FLRT3: variants seen among roughly 807,000 people sequenced by gnomAD.
FLRT3 encodes fibronectin leucine rich transmembrane protein 3, also known as leucine-rich repeat transmembrane protein FLRT3.
In FLRT3, 17 loss-of-function variants were observed where a neutral mutation model predicts 42.6. The ratio of observed to expected loss-of-function variants is 0.40; its 90% CI spans 0.27 to 0.60. FLRT3 has a LOEUF of 0.60. FLRT3 is among the 20% of genes least tolerant of loss of function. FLRT3 has a pLI of 0.44. For missense variants in FLRT3, 635 were observed against 789.2 expected (o/e 0.80, Z 2.34); for synonymous variants, 279 against 286.4 (o/e 0.97, Z 0.26).
intron 1 of FLRT3, among the ~76,000 whole-genome samples, chr20:14,336,967 C>T (rs534599639): frequency 6.6e-6 from 1 of 152,290 alleles, no homozygotes; most frequent in African/African-American, 2.4e-5. Flanking sequence ...TCATGTACTG[C>T]GTACTCATGG....
intron 1 of FLRT3, among the ~76,000 whole-genome samples, chr20:14,331,660 C>T (rs978289190): frequency 5.3e-5 from 8 of 152,128 alleles, no homozygotes; most frequent in African/African-American, 1.9e-4. Flanking sequence ...CGTTTTATAT[C>T]TTCTCTTTCC....
intron 1 of FLRT3, among the ~76,000 whole-genome samples, chr20:14,334,768 A>C (rs1487563079): frequency 6.6e-6 from 1 of 150,788 alleles, no homozygotes; most frequent in Non-Finnish European, 1.5e-5. Context: ...GGTAGTCTTC[A>C]TTTGATTTAA....
chr20:14,326,608 A>G lies in FLRT3; in HGVS notation c.899T>C (p.Leu300Pro). 1 of 1,613,856 alleles carries G rather than the reference A, an allele frequency of 6.2e-7. No homozygotes were observed. Among genetic ancestry groups the G allele is most frequent in the Non-Finnish European group, 8.5e-7 (1 of 1,179,846 alleles). ...ATACCAGGGATTGTTGCGAAGAATC[A>G]GTTGTGTTATATTGTCCAAATCATC... is the stretch of plus-strand genomic sequence containing the variant. ...IFDDLDNITQ[L>P]ILRNNPWYCG... The change falls in exon 3 of 3, where the codon CTG (leucine) becomes CCG (proline). Residue 300 changes from leucine (L) to proline (P), a missense_variant. Coordinates refer to ENST00000341420, the MANE Select transcript of FLRT3 (RefSeq NM_198391.3). The surrounding 1 kb of genome is among the most constrained non-coding windows in gnomAD (Gnocchi z 5.5).
chr20:14,336,603 T>G (rs1415429620), intron 1 of FLRT3, among the ~76,000 whole-genome samples: 6 of 152,212 alleles, frequency 3.9e-5, no homozygotes, highest in Non-Finnish European at 7.3e-5. Context: ...CTCTACTCAT[T>G]TATTTTTCTT....
At chr20:14,329,042 G>C (rs1455199736) in intron 2 of FLRT3, 92 bp downstream of exon 2, 1 of 151,994 alleles carries the variant, frequency 6.6e-6, no homozygotes, top group Non-Finnish European at 1.5e-5. Flanking sequence ...ATAGTAATAG[G>C]TTTTTCAGGC....
At chr20:14,333,718 G>A (rs1449426633) in intron 1 of FLRT3, among the ~76,000 whole-genome samples, 5 of 152,048 alleles carry the variant, frequency 3.3e-5, no homozygotes, top group Admixed American at 3.3e-4. Flanking sequence ...ATTTATTTTA[G>A]TCTACTGTGT....
intron 1 of FLRT3, among the ~76,000 whole-genome samples, 157 bp from the exon 2 acceptor site, chr20:14,329,484 T>C (rs1362089599): frequency 1.3e-5 from 2 of 152,106 alleles, no homozygotes; most frequent in African/African-American, 2.4e-5. Context: ...TTTAGACTTC[T>C]CATTTTCTTA....
intron 1 of FLRT3, among the ~76,000 whole-genome samples, chr20:14,331,444 A>T (rs1374273280): frequency 1.3e-5 from 2 of 152,152 alleles, no homozygotes; most frequent in Non-Finnish European, 2.9e-5. Flanking sequence ...AGTGGTAATA[A>T]TGTGGGATTA....
At chr20:14,328,520 T>A (rs887849706) in intron 2 of FLRT3, among the ~76,000 whole-genome samples, 1 of 152,156 alleles carries the variant, frequency 6.6e-6, no homozygotes, top group Non-Finnish European at 1.5e-5. Flanking sequence ...TCTGTCCTTT[T>A]AAGTATTAAT....
In FLRT3 at chr20:14,327,397, C is replaced by T. The variant is rs2082754317; in HGVS notation, c.110G>A (p.Cys37Tyr). 1 of 1,613,512 alleles carries T rather than the reference C, an allele frequency of 6.2e-7. No individual in the cohort carries two copies. ...ATTACAGTAAATGAAACCCGCATCG[C>T]AGCGACACACAGATGGACAGGATTT... is the stretch of plus-strand genomic sequence containing the variant. ...MAKSCPSVCR[C>Y]DAGFIYCNDR... Residue 37 changes from cysteine to tyrosine, a missense_variant, in exon 3 of 3, where the codon TGC (cysteine) becomes TAC (tyrosine). Transcript: ENST00000341420.
intron 2 of FLRT3, among the ~76,000 whole-genome samples, chr20:14,328,255 C>T (rs1176325801): frequency 6.6e-6 from 1 of 152,072 alleles, no homozygotes; most frequent in Non-Finnish European, 1.5e-5. Flanking sequence ...AATTACAAAG[C>T]TAATACATCC....
rs1209873649 is a variant in FLRT3, at chr20:14,325,489, G to A, written c.*68C>T. ...TTTCCAGTGTTTTGCAGTAGAACAG[G>A]GTTCCTACCATCACCTCCCTTAGGT... On this transcript the variant is annotated 3_prime_UTR_variant, in exon 3 of 3. Transcript: ENST00000341420. 7 of 1,486,006 alleles carry A rather than the reference G, an allele frequency of 4.7e-6. No homozygotes were observed. The African/African-American group carries it at 9.8e-5, about 21-fold the overall frequency. 92.1% of individuals were successfully genotyped at this position (1,486,006 alleles called of 1,614,324 possible).
chr20:14,332,465 A>T (rs2122617262), intron 1 of FLRT3, among the ~76,000 whole-genome samples: 1 of 152,250 alleles, frequency 6.6e-6, no homozygotes, highest in African/African-American at 2.4e-5. Flanking sequence ...TTTTGAGAAT[A>T]TTACTTAGAT....
chr20:14,330,711 G>A (rs531889597), intron 1 of FLRT3, among the ~76,000 whole-genome samples: 3 of 152,170 alleles, frequency 2.0e-5, no homozygotes, highest in African/African-American at 7.2e-5. Flanking sequence ...ATTGCAAAGT[G>A]CCCACAGAGG....
At chr20:14,334,519 G>C (rs746230416) in intron 1 of FLRT3, among the ~76,000 whole-genome samples, 12 of 152,164 alleles carry the variant, frequency 7.9e-5, no homozygotes, top group East Asian at 1.9e-4. Flanking sequence ...TTGCCCACTG[G>C]GGGGTGGTAC....
chr20:14,331,844 C>T (rs936986429), intron 1 of FLRT3, among the ~76,000 whole-genome samples: 5 of 151,956 alleles, frequency 3.3e-5, no homozygotes, highest in African/African-American at 4.8e-5. Context: ...AGTCAAATGT[C>T]GATGATGAAA....
intron 1 of FLRT3, 29 bp downstream of exon 1, chr20:14,337,375 T>A: frequency 9.1e-5 from 26 of 284,228 alleles, no homozygotes; most frequent in Middle Eastern, 1.0e-3. Context: ...TCTGGGACAA[T>A]CATAAGAAAA....
chr20:14,330,297 G>T (rs1186509016), intron 1 of FLRT3, among the ~76,000 whole-genome samples: 1 of 152,020 alleles, frequency 6.6e-6, no homozygotes. Flanking sequence ...TTTAGAGGAG[G>T]TGAGTAATAT....
Position 14,337,512 on chromosome 20 carries a change from G to C in FLRT3, c.-355C>G, listed in dbSNP as rs1265932287. 6 of 398,682 alleles carry C rather than the reference G, an allele frequency of 1.5e-5. No individual in the cohort carries two copies. 24.7% of individuals were successfully genotyped at this position (398,682 alleles called of 1,614,324 possible). On this transcript the variant is annotated 5_prime_UTR_variant, in exon 1 of 3. Coordinates refer to ENST00000341420, the MANE Select transcript of FLRT3 (RefSeq NM_198391.3). ...CCCCGTCTCCCAAGCTCTGCGTCCA[G>C]TCCACACAAAGCCCACGGCAGCTGC...
Sources: allele counts gnomAD v4.1 joint callset (sites outside exome capture counted in the v4.1 genomes callset), GRCh38; gene constraint gnomAD v4.1.1; non-coding constraint Gnocchi (gnomAD v3.1); transcripts MANE v1.5; gene names NCBI Gene and HGNC (gene_info 2026-07-23, HGNC 2026-07-21).